The following HERC2 variants were observed in gnomAD, a reference collection of about 807,000 sequenced individuals.
The protein encoded by HERC2 is HECT and RLD domain containing E3 ubiquitin protein ligase 2.
In HERC2, 102 loss-of-function variants were observed where a neutral mutation model predicts 537.7. The ratio of observed to expected loss-of-function variants is 0.19; its 90% CI spans 0.16 to 0.22. HERC2 has a LOEUF of 0.22. Ranked by LOEUF, HERC2 falls within the 10% of genes least tolerant of loss-of-function variation. HERC2 has a pLI of 1.00. For missense variants in HERC2, 4,236 were observed against 6,198.2 expected, an observed-to-expected ratio of 0.68 and a Z score of 10.63; for synonymous variants, 2,224 against 2,466.2, an observed-to-expected ratio of 0.90 and a Z score of 2.91.
intron 19 of HERC2, among the ~76,000 whole-genome samples, chr15:28,255,598 G>GA (rs1243933649): frequency 3.9e-5 from 6 of 152,202 alleles, no homozygotes; most frequent in Admixed American, 6.5e-5. Flanking sequence ...AAGTGCCAAG[G>GA]GCACAGGGAT....
chr15:28,177,178 G>T lies in HERC2; in HGVS notation c.9255-51C>A, dbSNP rs1024636000. 2.0e-5 allele frequency: 31 copies of T among 1,546,488 alleles called. 1 individual carries two copies. The Admixed American group carries it at 4.4e-4, about 22-fold the overall frequency. ...TACAGTCAATCTGTCCCTTCTTAGA[G>T]ATGAAGGAAAAAAGACATCTATACT... On this transcript the variant is annotated intron_variant, in intron 60 of 92. Coordinates refer to ENST00000261609, the MANE Select transcript of HERC2 (RefSeq NM_004667.6). The surrounding 1 kb of genome is among the most constrained non-coding windows in gnomAD (Gnocchi z 5.0).
chr15:28,266,052 C>G lies in HERC2; in HGVS notation c.1599-78G>C. The G allele has an allele frequency of 4.7e-6, 7 of 1,502,706 alleles. No homozygotes were observed. In the South Asian group the frequency reaches 7.4e-5, roughly 16 times the overall value. The allele number at this position is 1,502,706 out of a possible 1,614,324, so 93.1% of individuals were successfully genotyped here. ...TATTAATGTTAACAAAGGAAATTCA[C>G]TATCCAAATTTAGACCAGCATAGCA... is the stretch of plus-strand genomic sequence containing the variant. On this transcript the variant is annotated intron_variant, in intron 12 of 92. Coordinates refer to ENST00000261609, the MANE Select transcript of HERC2 (RefSeq NM_004667.6).
chr15:28,163,966 G>A (rs1893875177), intron 68 of HERC2, among the ~76,000 whole-genome samples: 1 of 152,176 alleles, frequency 6.6e-6, no homozygotes, highest in African/African-American at 2.4e-5. Context: ...GCCTTGCCCA[G>A]GATGGCCGCC....
At position 28,177,959 on chromosome 15, in the gene HERC2, A is replaced by C. The variant is rs2140163321; in HGVS notation, c.9164-450T>G. Among the ~76,000 whole-genome samples, 1 of 152,322 alleles carries C rather than the reference A, an allele frequency of 6.6e-6. No homozygotes were observed. The highest frequency in any genetic ancestry group is 1.9e-4 in the East Asian group (1 of 5,184). ...CACTCTTCCCAAAACACGTCAGCTT[A>C]TGCTCTTTCCCCAGCATGGAATATT... On this transcript the variant is annotated intron_variant, in intron 59 of 92. Transcript: ENST00000261609. The surrounding 1 kb of genome is among the most constrained non-coding windows in gnomAD (Gnocchi z 5.0).
At chr15:28,141,192 C>G (rs543856129) in intron 78 of HERC2, among the ~76,000 whole-genome samples, 40 of 151,666 alleles carry the variant, frequency 2.6e-4, no homozygotes, top group Admixed American at 4.6e-4. Context: ...GAGCCGAGAC[C>G]ACGCCATTGC....
At chr15:28,214,013 G>C (rs778942755) in intron 41 of HERC2, 41 bp from the exon 42 acceptor site, 1 of 1,609,786 alleles carries the variant, frequency 6.2e-7, no homozygotes, top group Admixed American at 1.7e-5. Flanking sequence ...AGACACTCAC[G>C]GAGCTGCCCA....
In HERC2 at chr15:28,129,780, C is replaced by CTTTTTTTTTTTTTTTTTTT. The variant is rs36068402; in HGVS notation, c.12802+382_12802+383insAAAAAAAAAAAAAAAAAAA. ...AGGACACAGTATAAGCCTCTGCCTC[C>CTTTTTTTTTTTTTTTTTTT]TTTTTTTTTTTTTTTTTGAGACAGT... On this transcript the variant is annotated intron_variant, in intron 83 of 92. Transcript: ENST00000261609. Among the ~76,000 whole-genome samples, 6 of 143,552 alleles carry CTTTTTTTTTTTTTTTTTTT rather than the reference C, an allele frequency of 4.2e-5. 3 individuals are homozygous for CTTTTTTTTTTTTTTTTTTT. 94.2% of individuals were successfully genotyped at this position (143,552 alleles called of 152,430 possible).
chr15:28,114,874 G>T, intron 89 of HERC2, 72 bp from the exon 90 acceptor site: 1 of 1,311,214 alleles, frequency 7.6e-7, no homozygotes, highest in Non-Finnish European at 1.1e-6. Flanking sequence ...AGTCCACCCA[G>T]CACACTCTGT....
intron 35 of HERC2, among the ~76,000 whole-genome samples, chr15:28,224,207 A>G (rs1366378050): frequency 6.6e-6 from 1 of 151,808 alleles, no homozygotes; most frequent in African/African-American, 2.4e-5. Flanking sequence ...ACAGATAGAT[A>G]GAAAGATTCC....
Position 28,144,813 on chromosome 15 carries a change from G to A in HERC2, c.11009-9C>T, listed in dbSNP as rs1410156116. On this transcript the variant is annotated splice_polypyrimidine_tract_variant and intron_variant, in intron 71 of 92. Coordinates refer to ENST00000261609, the MANE Select transcript of HERC2 (RefSeq NM_004667.6). ...GTCGGACCACTCTCGGCCTGCGGGA[G>A]GAAAGCGCACCCCGGGGTTAGCTTC... is the stretch of plus-strand genomic sequence containing the variant. The A allele has an allele frequency of 3.1e-6, 5 of 1,613,968 alleles. No homozygotes were observed. In the African/African-American group the frequency reaches 5.3e-5, roughly 17 times the overall value.
At position 28,111,538 on chromosome 15, in the gene HERC2, G is replaced by T. The variant is rs1384737894; in HGVS notation, c.*225C>A. 6 of 579,728 alleles carry T rather than the reference G, an allele frequency of 1.0e-5. No individual in the cohort carries two copies. The highest frequency in any genetic ancestry group is 1.9e-5 in the African/African-American group (1 of 53,620). 35.9% of individuals were successfully genotyped at this position (579,728 alleles called of 1,614,324 possible). On this transcript the variant is annotated 3_prime_UTR_variant, in exon 93 of 93. Transcript: ENST00000261609. ...TCCTACATGTAATGCAGCATTACGG[G>T]TGAGAAGACCCTTGGAAGTCGAGCG... is the stretch of plus-strand genomic sequence containing the variant.
chr15:28,280,818 G>A (rs983748908), intron 4 of HERC2, among the ~76,000 whole-genome samples: 2 of 152,082 alleles, frequency 1.3e-5, no homozygotes, highest in Admixed American at 6.5e-5. Context: ...GCTGAGGCAC[G>A]AGAATTGCCT....
intron 4 of HERC2, among the ~76,000 whole-genome samples, chr15:28,284,769 G>C (rs942346293): frequency 6.6e-6 from 1 of 151,754 alleles, no homozygotes; most frequent in Non-Finnish European, 1.5e-5. Flanking sequence ...ACAAAAAGTA[G>C]CTAGGTGTGA....
rs1447976484 is a variant in HERC2 at position 28,220,529 on chromosome 15, T to C, written c.5768A>G (p.Lys1923Arg). ...TNSYRMGKEG[K>R]YDLKLAELPA... is the part of the protein sequence containing the mutation. ...CAGCTCTGCCAGCTTGAGGTCGTAT[T>C]TTCCTTCTTTCCCCATCCTGTAGGA... The change falls in exon 37 of 93, where the codon AAA becomes AGA. Residue 1923 changes from lysine to arginine, a missense_variant. Physicochemically the swap from Lys to Arg is conservative, Grantham distance 26 (BLOSUM62 2). This residue lies in a region of HERC2 where 365 missense variants were observed against 468.8 expected (regional missense o/e 0.78). Transcript: ENST00000261609. 1.2e-6 allele frequency: 2 copies of C among 1,601,444 alleles called. No homozygotes were observed. The highest frequency in any genetic ancestry group is 1.7e-6 in the Non-Finnish European group (2 of 1,179,800).
chr15:28,141,852 C>A lies in HERC2; in HGVS notation c.11701-6G>T, dbSNP rs762318289. ...TCACGAATTTTCTTAGCCACCTAAA[C>A]AAAATTATTATGATGTTACAAATCA... On this transcript the variant is annotated splice_region_variant and splice_polypyrimidine_tract_variant and intron_variant, in intron 76 of 92. Coordinates refer to ENST00000261609, the MANE Select transcript of HERC2 (RefSeq NM_004667.6). 6.3e-7 allele frequency: 1 copy of A among 1,596,392 alleles called. No homozygotes were observed. Among genetic ancestry groups the A allele is most frequent in the Non-Finnish European group, 8.6e-7 (1 of 1,164,162 alleles).
chr15:28,127,137 A>G (rs1470059658), intron 83 of HERC2, among the ~76,000 whole-genome samples: 2 of 152,250 alleles, frequency 1.3e-5, no homozygotes, highest in Admixed American at 6.5e-5. Flanking sequence ...GGTCAAGGGC[A>G]GTGTACTTGT....
intron 79 of HERC2, among the ~76,000 whole-genome samples, chr15:28,133,732 G>C (rs1022901505): frequency 6.6e-6 from 1 of 152,148 alleles, no homozygotes; most frequent in Admixed American, 6.5e-5. Context: ...CTGTGCACTC[G>C]TATAAACTGT....
intron 3 of HERC2, among the ~76,000 whole-genome samples, chr15:28,295,306 TGTGG>T (rs968465901): frequency 1.2e-3 from 1 of 864 alleles, no homozygotes; most frequent in Non-Finnish European, 5.6e-3. Flanking sequence ...CCTACATGTG[TGTGG>T]GGGGGGGGGA....
intron 30 of HERC2, among the ~76,000 whole-genome samples, chr15:28,232,102 A>G (rs1163557654): frequency 6.6e-6 from 1 of 152,176 alleles, no homozygotes. Context: ...GTTATGGTGT[A>G]GGGTTTGTTC....
Sources: allele counts gnomAD v4.1 joint callset (sites outside exome capture counted in the v4.1 genomes callset), GRCh38; gene constraint gnomAD v4.1.1; regional missense constraint gnomAD v4.1.1; non-coding constraint Gnocchi (gnomAD v3.1); transcripts MANE v1.5; gene names NCBI Gene and HGNC (gene_info 2026-07-23, HGNC 2026-07-21).